ACYP2: variants seen among roughly 807,000 people sequenced by gnomAD.
The protein encoded by ACYP2 is acylphosphatase 2.
In ACYP2, 12 loss-of-function variants were observed where a neutral mutation model predicts 11.2. The ratio of observed to expected loss-of-function variants is 1.08; its 90% CI spans 0.69 to 1.74. ACYP2 has a LOEUF of 1.74. Among genes scored for constraint, ACYP2 ranks in the 40% most tolerant of loss-of-function variants. The pLI is 0.00. For missense variants in ACYP2, 134 were observed against 101.9 expected (o/e 1.31, Z -1.35); for synonymous variants, 43 against 32.2 (o/e 1.33, Z -1.13).
chr2:53,975,312 T>A (rs1371368257), intron 2 of ACYP2: 1 of 398,260 alleles, frequency 2.5e-6, no homozygotes, highest in East Asian at 3.6e-5. Context: ...GTTGAAGAAT[T>A]TACGGGAGCA....
intron 4 of ACYP2, among the ~76,000 whole-genome samples, chr2:54,073,864 T>A (rs1677190135): frequency 6.6e-6 from 1 of 152,088 alleles, no homozygotes; most frequent in Non-Finnish European, 1.5e-5. Context: ...ATGGCTAAAA[T>A]GAAAATGATG....
At chr2:54,138,389 C>G (rs930011039) in intron 5 of ACYP2, among the ~76,000 whole-genome samples, 8 of 152,130 alleles carry the variant, frequency 5.3e-5, no homozygotes, top group African/African-American at 1.7e-4. Flanking sequence ...AATTCTCACT[C>G]TCAGCGTAGT....
At chr2:54,247,376 A>T (rs1266797552) in intron 6 of ACYP2, among the ~76,000 whole-genome samples, 1 of 152,138 alleles carries the variant, frequency 6.6e-6, no homozygotes, top group Admixed American at 6.5e-5. Context: ...GACAAAGTAC[A>T]TTGTCTTCCA....
At chr2:54,116,157 A>T (rs1679780291) in intron 4 of ACYP2, among the ~76,000 whole-genome samples, 1 of 152,190 alleles carries the variant, frequency 6.6e-6, no homozygotes, top group Non-Finnish European at 1.5e-5. Flanking sequence ...AAGGACACTT[A>T]GATGGTTTAA....
chr2:54,117,061 C>A (rs1386896808), intron 4 of ACYP2, among the ~76,000 whole-genome samples: 1 of 151,824 alleles, frequency 6.6e-6, no homozygotes, highest in Non-Finnish European at 1.5e-5. Flanking sequence ...AAACTAGAGG[C>A]GAGGAGAACG....
chr2:54,191,889 TTGCC>T (rs1684256888), intron 6 of ACYP2, among the ~76,000 whole-genome samples: 1 of 152,202 alleles, frequency 6.6e-6, no homozygotes. Flanking sequence ...GTAGACAGGT[TTGCC>T]TATTATCTGT....
At chr2:54,074,825 CAG>C (rs1295057610) in intron 4 of ACYP2, among the ~76,000 whole-genome samples, 1 of 152,100 alleles carries the variant, frequency 6.6e-6, no homozygotes, top group Non-Finnish European at 1.5e-5. Context: ...TACTCTTACT[CAG>C]GGGAGGTCAG....
At chr2:54,014,322 CCTTT>C (rs1383303196) in intron 2 of ACYP2, among the ~76,000 whole-genome samples, 2 of 151,696 alleles carry the variant, frequency 1.3e-5, no homozygotes, top group African/African-American at 2.4e-5. Flanking sequence ...TCTTTTTTTA[CCTTT>C]CTTTCTTTCT....
chr2:54,087,522 C>T (rs894625209), intron 4 of ACYP2, among the ~76,000 whole-genome samples: 2 of 151,880 alleles, frequency 1.3e-5, no homozygotes, highest in African/African-American at 2.4e-5. Flanking sequence ...CTAATTTTTT[C>T]GTATTTTTTG....
At chr2:54,116,403 ACT>A (rs1679792642) in intron 4 of ACYP2, among the ~76,000 whole-genome samples, 1 of 151,818 alleles carries the variant, frequency 6.6e-6, no homozygotes, top group African/African-American at 2.4e-5. Flanking sequence ...TTAAAATAAA[ACT>A]CTTCAACAAT....
chr2:54,253,348 A>C (rs1172469616), intron 6 of ACYP2: 1 of 152,246 alleles, frequency 6.6e-6, no homozygotes, highest in Non-Finnish European at 1.5e-5. Context: ...TACAAAAAAG[A>C]AAGACTGATA....
intron 6 of ACYP2, among the ~76,000 whole-genome samples, chr2:54,219,202 G>GA (rs1262821209): frequency 6.6e-6 from 1 of 152,194 alleles, no homozygotes; most frequent in East Asian, 1.9e-4. Flanking sequence ...GAGTTGACTA[G>GA]AAAATCTTCA....
chr2:54,298,472 C>T (rs1689604117), intron 6 of ACYP2, among the ~76,000 whole-genome samples: 1 of 152,172 alleles, frequency 6.6e-6, no homozygotes, highest in South Asian at 2.1e-4. Context: ...AAAACACCCA[C>T]AAGGACAAAT....
intron 6 of ACYP2, among the ~76,000 whole-genome samples, chr2:54,181,372 C>G (rs530645479): frequency 6.6e-6 from 1 of 152,138 alleles, no homozygotes; most frequent in African/African-American, 2.4e-5. Context: ...TGAGAGAAAA[C>G]TAGAACTGAA....
chr2:54,032,813 A>T (rs1477568730), intron 2 of ACYP2, among the ~76,000 whole-genome samples: 2 of 152,186 alleles, frequency 1.3e-5, no homozygotes, highest in Non-Finnish European at 2.9e-5. Context: ...TGTTCGATGA[A>T]ATAAAAGAGA....
At chr2:53,986,571 A>T (rs1672047372) in intron 2 of ACYP2, among the ~76,000 whole-genome samples, 1 of 151,526 alleles carries the variant, frequency 6.6e-6, no homozygotes, top group Non-Finnish European at 1.5e-5. Flanking sequence ...TCCTGACCTC[A>T]AGTGATCCTC....
At chr2:54,014,051 A>T (rs544564226) in intron 2 of ACYP2, among the ~76,000 whole-genome samples, 19 of 152,042 alleles carry the variant, frequency 1.2e-4, no homozygotes, top group Non-Finnish European at 2.1e-4. Flanking sequence ...CCAGATACCC[A>T]GGAGGCTGAG....
chr2:54,032,389 C>T (rs955189605), intron 2 of ACYP2, among the ~76,000 whole-genome samples: 7 of 152,254 alleles, frequency 4.6e-5, no homozygotes, highest in South Asian at 4.1e-4. Flanking sequence ...GGGAATCCTT[C>T]GCCCATGTCT....
intron 4 of ACYP2, among the ~76,000 whole-genome samples, chr2:54,071,843 T>G (rs1000223696): frequency 6.6e-6 from 1 of 152,144 alleles, no homozygotes; most frequent in Non-Finnish European, 1.5e-5. Context: ...AAACCCCATC[T>G]GTACTAAAAA....
Sources: gnomAD v4.1 joint callset for allele counts (sites outside exome capture counted in the v4.1 genomes callset) on GRCh38, gnomAD v4.1.1 for gene constraint, MANE v1.5 for transcripts, NCBI Gene and HGNC (gene_info 2026-07-23, HGNC 2026-07-21) for gene names.